Variants in ZNF723 observed in about 807,000 individuals in gnomAD.
ZNF723 encodes zinc finger protein 723, pseudogene.
ZNF723 carries 5 observed loss-of-function variants against 9.4 expected under a neutral mutation model. The ratio of observed to expected loss-of-function variants is 0.53; its 90% confidence interval spans 0.28 to 1.12. The LOEUF (loss-of-function observed/expected upper bound fraction) is 1.12, where lower values mean the gene tolerates loss of function less well. Among genes scored for constraint, ZNF723 ranks in the 50% most tolerant of loss-of-function variants. The pLI is 0.10. For missense variants in ZNF723, 450 were observed against 501.5 expected (o/e 0.90, Z 0.98); for synonymous variants, 158 against 168.8 (o/e 0.94, Z 0.49).
chr19:22,817,116 C>T, the ZNF723 span, among the ~76,000 whole-genome samples: 1 of 152,234 alleles, frequency 6.6e-6, no homozygotes, highest in African/African-American at 2.4e-5. Flanking sequence ...CTGAATCCAA[C>T]AGCTAGGTGA....
chr19:22,848,935 A>G (rs907426386), intron 2 of ZNF723, among the ~76,000 whole-genome samples: 5 of 151,798 alleles, frequency 3.3e-5, no homozygotes, highest in African/African-American at 1.2e-4. Flanking sequence ...TTGTATTTTT[A>G]GTAGAGATGG....
At chr19:22,823,196 C>A in the ZNF723 span, among the ~76,000 whole-genome samples, 2 of 152,206 alleles carry the variant, frequency 1.3e-5, no homozygotes, top group African/African-American at 4.8e-5. Flanking sequence ...TCAGGCATAC[C>A]GTATAAAGCC....
At chr19:22,816,534 G>T in the ZNF723 span, among the ~76,000 whole-genome samples, 2 of 152,152 alleles carry the variant, frequency 1.3e-5, no homozygotes, top group South Asian at 4.1e-4. Flanking sequence ...CTAAAACCAA[G>T]AAGTGCAGGA....
the ZNF723 span, among the ~76,000 whole-genome samples, chr19:22,821,637 G>T: frequency 1.3e-5 from 2 of 152,164 alleles, no homozygotes; most frequent in East Asian, 3.9e-4. Flanking sequence ...TCTCTTGCCT[G>T]CTCCATTCAC....
chr19:22,839,460 T>C (rs937916908), intron 1 of ZNF723, among the ~76,000 whole-genome samples: 9 of 142,990 alleles, frequency 6.3e-5, no homozygotes, highest in African/African-American at 2.4e-4. Flanking sequence ...AGCATGTTTT[T>C]TTTTGGTTTT....
At chr19:22,838,867 C>A (rs1296209816) in intron 1 of ZNF723, among the ~76,000 whole-genome samples, 1 of 152,134 alleles carries the variant, frequency 6.6e-6, no homozygotes, top group East Asian at 1.9e-4. Context: ...CTTGCCTCAG[C>A]CTCCTGAGTA....
chr19:22,826,042 A>G, the ZNF723 span, among the ~76,000 whole-genome samples: 1 of 151,946 alleles, frequency 6.6e-6, no homozygotes, highest in African/African-American at 2.4e-5. Context: ...AGATGATGTG[A>G]CTCTCTTCTT....
chr19:22,833,921 G>A (rs1271070029), intron 1 of ZNF723, among the ~76,000 whole-genome samples: 1 of 137,552 alleles, frequency 7.3e-6, no homozygotes. Context: ...TTGTTTTTTA[G>A]CGTACTTTTT....
chr19:22,832,234 C>A, upstream of ZNF723: 1 of 892,830 alleles, frequency 1.1e-6, no homozygotes, highest in South Asian at 1.6e-5. Context: ...GACTAAGAGC[C>A]GTCCAATCAG....
chr19:22,848,088 G>A (rs535249320), intron 1 of ZNF723, among the ~76,000 whole-genome samples, 173 bp from the exon 2 acceptor site: 30 of 147,132 alleles, frequency 2.0e-4, no homozygotes, highest in African/African-American at 6.6e-4. Context: ...GGCAACAAGT[G>A]CAAGACTCTG....
At chr19:22,843,231 T>G (rs1319391999) in intron 1 of ZNF723, among the ~76,000 whole-genome samples, 1 of 152,212 alleles carries the variant, frequency 6.6e-6, no homozygotes, top group East Asian at 1.9e-4. Flanking sequence ...CCTGTCTGTT[T>G]TATCATTGGG....
the ZNF723 span, among the ~76,000 whole-genome samples, chr19:22,815,490 T>G: frequency 6.6e-6 from 1 of 152,150 alleles, no homozygotes; most frequent in Admixed American, 6.6e-5. Context: ...ACTATATCTG[T>G]GGCTGAGTAC....
chr19:22,814,041 T>C, the ZNF723 span, among the ~76,000 whole-genome samples: 1 of 151,954 alleles, frequency 6.6e-6, no homozygotes, highest in East Asian at 1.9e-4. Context: ...TGTGATCTTA[T>C]GATCTTATGA....
chr19:22,842,250 C>G (rs1298441031), intron 1 of ZNF723, among the ~76,000 whole-genome samples: 1 of 152,100 alleles, frequency 6.6e-6, no homozygotes, highest in Non-Finnish European at 1.5e-5. Context: ...GGTGATCGAC[C>G]CGCCTCGGCC....
intron 3 of ZNF723, among the ~76,000 whole-genome samples, chr19:22,853,031 G>T (rs1443996293): frequency 6.6e-6 from 1 of 151,936 alleles, no homozygotes; most frequent in African/African-American, 2.4e-5. Context: ...TATTTCTACT[G>T]AATGATTTGG....
upstream of ZNF723, among the ~76,000 whole-genome samples, chr19:22,828,202 A>G (rs1298199900): frequency 6.6e-6 from 1 of 152,222 alleles, no homozygotes; most frequent in Non-Finnish European, 1.5e-5. Context: ...GGCCTGACAG[A>G]AACTCAAAGA....
the ZNF723 span, among the ~76,000 whole-genome samples, chr19:22,817,032 C>T: frequency 6.6e-6 from 1 of 152,260 alleles, no homozygotes; most frequent in Non-Finnish European, 1.5e-5. Flanking sequence ...AAGTGTCTCT[C>T]TGCCCAGTAC....
the ZNF723 span, among the ~76,000 whole-genome samples, chr19:22,819,386 C>A: frequency 6.6e-6 from 1 of 152,248 alleles, no homozygotes; most frequent in South Asian, 2.1e-4. Flanking sequence ...TGACTTTTCA[C>A]TGGGCCCAGC....
At chr19:22,814,108 G>A in the ZNF723 span, among the ~76,000 whole-genome samples, 5 of 152,034 alleles carry the variant, frequency 3.3e-5, no homozygotes, top group African/African-American at 7.2e-5. Flanking sequence ...CACCACGCCC[G>A]GCCAGCAAAA....
Sources: gnomAD v4.1 joint callset for allele counts (sites outside exome capture counted in the v4.1 genomes callset) on GRCh38, gnomAD v4.1.1 for gene constraint, MANE v1.5 for transcripts, NCBI Gene and HGNC (gene_info 2026-07-23, HGNC 2026-07-21) for gene names.